The following COL4A2 variants were observed in gnomAD, a reference collection of about 807,000 sequenced individuals.
COL4A2 encodes the protein collagen alpha-2(IV) chain.
Under a neutral mutation model 200.2 loss-of-function variants are expected in COL4A2, and 99 were observed. The ratio of observed to expected loss-of-function variants is 0.49; its 90% CI spans 0.42 to 0.58. The LOEUF is 0.58. Ranked by LOEUF, COL4A2 falls within the 20% of genes least tolerant of loss-of-function variation. The pLI is 0.00. For missense variants in COL4A2, 1,950 were observed against 2,314.1 expected (o/e 0.84, Z 3.23); for synonymous variants, 897 against 900.6 (o/e 1.00, Z 0.07).
At chr13:110,417,786 A>G (rs1029272186) in intron 4 of COL4A2, among the ~76,000 whole-genome samples, 4 of 152,034 alleles carry the variant, frequency 2.6e-5, no homozygotes, top group Non-Finnish European at 5.9e-5. Flanking sequence ...TGCTGCACAC[A>G]TCGGGCATTT....
At chr13:110,439,645 T>A in intron 15 of COL4A2, 144 bp from the exon 16 acceptor site, 1 of 1,345,960 alleles carries the variant, frequency 7.4e-7, no homozygotes, top group African/African-American at 1.5e-5. Context: ...AATTTGTTGC[T>A]ATTCTTCAAA....
chr13:110,422,708 C>T (rs1453224477), intron 4 of COL4A2, among the ~76,000 whole-genome samples: 1 of 152,208 alleles, frequency 6.6e-6, no homozygotes, highest in Non-Finnish European at 1.5e-5. Context: ...CTTCCATCCA[C>T]AGCCTTAATC....
intron 4 of COL4A2, among the ~76,000 whole-genome samples, chr13:110,406,736 GT>G (rs1042541878): frequency 7.9e-5 from 12 of 151,888 alleles, no homozygotes; most frequent in African/African-American, 2.9e-4. Context: ...TCTCTCTCAT[GT>G]TTTTTCTCCG....
At chr13:110,455,565 G>A (rs147839317) in intron 20 of COL4A2, among the ~76,000 whole-genome samples, 193 of 152,282 alleles carry the variant, frequency 1.3e-3, no homozygotes, top group Non-Finnish European at 2.1e-3. Context: ...CCACGTCTAA[G>A]CTGTAAGCTC....
At chr13:110,413,689 A>G (rs564017560) in intron 4 of COL4A2, among the ~76,000 whole-genome samples, 2 of 152,340 alleles carry the variant, frequency 1.3e-5, no homozygotes, top group South Asian at 2.1e-4. Flanking sequence ...GGTGGCTCGC[A>G]GAGCCTGCAG....
chr13:110,425,755 C>A (rs751610366), intron 6 of COL4A2, among the ~76,000 whole-genome samples: 2 of 150,622 alleles, frequency 1.3e-5, no homozygotes, highest in Non-Finnish European at 3.0e-5. Context: ...TCACCACACA[C>A]GCACACGCAC....
At chr13:110,509,270 TACACACAC>T (rs60333796) in intron 47 of COL4A2, among the ~76,000 whole-genome samples, 18 of 115,574 alleles carry the variant, frequency 1.6e-4, no homozygotes, top group South Asian at 5.7e-4. Flanking sequence ...TATATATATA[TACACACAC>T]ACACACACAC....
At chr13:110,507,246 C>T (rs373884318) in intron 46 of COL4A2, among the ~76,000 whole-genome samples, 18 of 152,188 alleles carry the variant, frequency 1.2e-4, no homozygotes, top group African/African-American at 4.1e-4. Context: ...ATGTTGCTGG[C>T]TCATGGTGCC....
intron 40 of COL4A2, among the ~76,000 whole-genome samples, chr13:110,497,819 GC>G (rs1883515876): frequency 7.3e-6 from 1 of 137,364 alleles, no homozygotes; most frequent in African/African-American, 2.7e-5. Context: ...CAGCAGCACA[GC>G]CTCAGTCAGG....
intron 3 of COL4A2, among the ~76,000 whole-genome samples, chr13:110,314,015 T>G (rs1328780449): frequency 6.6e-6 from 1 of 152,238 alleles, no homozygotes. Context: ...TCCTTTGAAG[T>G]GCAGCCTGGT....
chr13:110,465,739 G>A (rs1487058843), intron 25 of COL4A2, 133 bp downstream of exon 25: 1 of 931,818 alleles, frequency 1.1e-6, no homozygotes, highest in African/African-American at 1.7e-5. Flanking sequence ...ACGTACAAGG[G>A]ATGACCCAAC....
intron 25 of COL4A2, 44 bp from the exon 26 acceptor site, chr13:110,465,959 C>G (rs1299185611): frequency 1.2e-6 from 2 of 1,602,256 alleles, no homozygotes; most frequent in Non-Finnish European, 1.7e-6. Context: ...TAACTCTTAT[C>G]TGTTTCAAAA....
At chr13:110,470,215 C>T (rs779592930) in intron 28 of COL4A2, among the ~76,000 whole-genome samples, 15 of 152,254 alleles carry the variant, frequency 9.9e-5, no homozygotes, top group Middle Eastern at 3.4e-3. Flanking sequence ...TGTGCCAGGC[C>T]GCACACATCT....
rs758614751 is a variant in COL4A2 at position 110,485,822 on chromosome 13, T to C, written c.3193T>C (p.Phe1065Leu). The C allele has an allele frequency of 6.2e-7, 1 of 1,613,642 alleles. No individual in the cohort carries two copies. The highest frequency in any genetic ancestry group is 8.5e-7 in the Non-Finnish European group (1 of 1,179,862). ...GPPGITGFPGFIGSRGDKGAP... is the reference protein window; with the variant it reads ...GPPGITGFPGLIGSRGDKGAP... ...CCCTGGAATTACGGGATTCCCAGGA[T>C]TCATAGGAAGCCGGGTGAGTGGGCG... The change falls in exon 34 of 48, where the codon TTC becomes CTC. Residue 1065 changes from phenylalanine (F) to leucine (L), a missense_variant. Around this residue, in one of 2 missense-constraint regions of COL4A2, gnomAD observed 1,385 missense variants for 1,720.5 expected, o/e 0.80. Coordinates refer to ENST00000360467, the MANE Select transcript of COL4A2 (RefSeq NM_001846.4).
At chr13:110,413,134 A>C (rs1425557042) in intron 4 of COL4A2, among the ~76,000 whole-genome samples, 5 of 152,238 alleles carry the variant, frequency 3.3e-5, no homozygotes, top group Admixed American at 2.0e-4. Context: ...GCTGCTCGGC[A>C]TCAGAAATTG....
Position 110,430,532 on chromosome 13 carries a change from T to C in COL4A2, c.586-13T>C. The stretch of plus-strand genomic sequence containing the variant: ...ACCTCTCTTAAAAACATTCTCCCGC[T>C]GCCTATCCATAGGGACCTCCCGGCC... On this transcript the variant is annotated splice_polypyrimidine_tract_variant and intron_variant, in intron 9 of 47. Coordinates refer to ENST00000360467, the MANE Select transcript of COL4A2 (RefSeq NM_001846.4). 1 of 1,614,206 alleles carries C rather than the reference T, an allele frequency of 6.2e-7. No individual in the cohort carries two copies. The highest frequency in any genetic ancestry group is 8.5e-7 in the Non-Finnish European group (1 of 1,180,028).
chr13:110,505,161 T>A (rs377143636), intron 45 of COL4A2, among the ~76,000 whole-genome samples: 1 of 151,066 alleles, frequency 6.6e-6, no homozygotes, highest in Non-Finnish European at 1.5e-5. Context: ...CCATCCTGGC[T>A]AACACGGTGA....
intron 22 of COL4A2, among the ~76,000 whole-genome samples, chr13:110,460,035 C>A (rs1881962378): frequency 1.3e-5 from 2 of 152,130 alleles, no homozygotes; most frequent in Non-Finnish European, 2.9e-5. Flanking sequence ...CAGATGTAGA[C>A]AAAGAAAGTA....
intron 24 of COL4A2, among the ~76,000 whole-genome samples, chr13:110,465,060 T>C (rs1882180651): frequency 6.6e-6 from 1 of 152,234 alleles, no homozygotes; most frequent in Non-Finnish European, 1.5e-5. Flanking sequence ...ATCATGTGTT[T>C]CTTTCTCCAC....
Sources: allele counts gnomAD v4.1 joint callset (sites outside exome capture counted in the v4.1 genomes callset), GRCh38; gene constraint gnomAD v4.1.1; regional missense constraint gnomAD v4.1.1; transcripts MANE v1.5; gene names NCBI Gene and HGNC (gene_info 2026-07-23, HGNC 2026-07-21).